The following RIMS2 variants were observed in gnomAD, a reference collection of about 807,000 sequenced individuals.
The protein encoded by RIMS2 is regulating synaptic membrane exocytosis 2, also known as regulating synaptic membrane exocytosis protein 2.
Under a neutral mutation model 174.4 loss-of-function variants are expected in RIMS2, and 59 were observed. That is an observed-to-expected ratio of 0.34 (90% CI 0.27 to 0.42). RIMS2 has a LOEUF of 0.42. Among genes scored for constraint, RIMS2 ranks in the 10% least tolerant of loss-of-function variants. RIMS2 has a pLI of 1.00. For synonymous variants in RIMS2, 606 were observed against 572.5 expected, an observed-to-expected ratio of 1.06 and a Z score of -0.84; for missense variants, 1,620 against 1,666.3, an observed-to-expected ratio of 0.97 and a Z score of 0.48.
At chr8:103,974,408 G>A (rs72683108) in intron 15 of RIMS2, among the ~76,000 whole-genome samples, 19,336 of 152,178 alleles carry the variant, frequency 0.13, 1,699 homozygotes, top group Non-Finnish European at 0.19. Context: ...AATGGTGGTA[G>A]TGGTGATAAT....
intron 4 of RIMS2, among the ~76,000 whole-genome samples, chr8:103,903,254 G>T (rs866966287): frequency 2.0e-5 from 3 of 152,000 alleles, no homozygotes; most frequent in Non-Finnish European, 4.4e-5. Context: ...TTGATAAGGG[G>T]TGAAGTCAGT....
intron 1 of RIMS2, among the ~76,000 whole-genome samples, chr8:103,620,602 G>A (rs2095611987): frequency 6.6e-6 from 1 of 152,096 alleles, no homozygotes. Flanking sequence ...ATAGCTGAGT[G>A]CAAAGAGAAT....
At position 103,942,765 on chromosome 8, in the gene RIMS2, G is replaced by A. The variant is rs756396459; in HGVS notation, c.2548-8G>A. 2 of 1,603,968 alleles carry A rather than the reference G, an allele frequency of 1.2e-6. No homozygotes were observed. The highest frequency in any genetic ancestry group is 1.7e-6 in the Non-Finnish European group (2 of 1,172,066). ...ATTATAACCGTCCTTTGTCTCTTGG[G>A]TTTGTAGATTTTAATTGAATTAGAA... On this transcript the variant is annotated splice_region_variant and splice_polypyrimidine_tract_variant and intron_variant, in intron 13 of 23. Transcript: ENST00000504942.
intron 1 of RIMS2, among the ~76,000 whole-genome samples, chr8:103,511,777 A>G (rs1220821370): frequency 6.6e-6 from 1 of 152,242 alleles, no homozygotes; most frequent in Non-Finnish European, 1.5e-5. Flanking sequence ...CTATAATAGT[A>G]ATTTGAACAG....
chr8:104,185,614 G>A (rs1467602761), intron 19 of RIMS2, among the ~76,000 whole-genome samples: 1 of 151,566 alleles, frequency 6.6e-6, no homozygotes, highest in Non-Finnish European at 1.5e-5. Flanking sequence ...CATACAAATG[G>A]CTAACAGATA....
At chr8:103,872,570 A>G (rs1389413016) in intron 3 of RIMS2, among the ~76,000 whole-genome samples, 1 of 152,218 alleles carries the variant, frequency 6.6e-6, no homozygotes, top group Non-Finnish European at 1.5e-5. Context: ...CAAGGAAGTT[A>G]ACAGAGACCT....
chr8:104,016,003 A>G (rs956541001), intron 19 of RIMS2, among the ~76,000 whole-genome samples: 1 of 152,090 alleles, frequency 6.6e-6, no homozygotes, highest in Admixed American at 6.5e-5. Context: ...AATATGATAT[A>G]GTTTTATTAT....
downstream of RIMS2, chr8:104,252,539 AAAG>A (rs1294038469): frequency 1.3e-5 from 2 of 152,240 alleles, no homozygotes; most frequent in East Asian, 1.9e-4. Context: ...AAAAAAAAAA[AAAG>A]AATAAAAATC....
At chr8:103,990,440 A>G (rs1395162215) in intron 17 of RIMS2, among the ~76,000 whole-genome samples, 2 of 152,104 alleles carry the variant, frequency 1.3e-5, no homozygotes, top group Non-Finnish European at 2.9e-5. Context: ...TTAAATTAAT[A>G]CTGCTTTTAG....
At chr8:103,861,296 C>G (rs1351646006) in intron 3 of RIMS2, among the ~76,000 whole-genome samples, 5 of 152,124 alleles carry the variant, frequency 3.3e-5, no homozygotes, top group African/African-American at 1.2e-4. Context: ...CATGCTGTTG[C>G]AAAGGACATG....
intron 19 of RIMS2, among the ~76,000 whole-genome samples, chr8:104,125,953 A>T (rs980150234): frequency 3.3e-5 from 5 of 152,152 alleles, no homozygotes; most frequent in African/African-American, 4.8e-5. Context: ...GTGAAGTTGT[A>T]ATAAGAGGCT....
At chr8:103,797,473 C>T (rs949286256) in intron 3 of RIMS2, among the ~76,000 whole-genome samples, 2 of 152,102 alleles carry the variant, frequency 1.3e-5, no homozygotes, top group African/African-American at 4.8e-5. Context: ...AGTAGCTACC[C>T]ATTATCTTCT....
chr8:104,073,541 A>T (rs1199644762), intron 19 of RIMS2, among the ~76,000 whole-genome samples: 1 of 152,194 alleles, frequency 6.6e-6, no homozygotes, highest in Non-Finnish European at 1.5e-5. Flanking sequence ...TATAGCAGTT[A>T]TATCATAATT....
intron 14 of RIMS2, 49 bp from the exon 17 acceptor site, chr8:103,961,016 T>C: frequency 2.1e-6 from 2 of 959,134 alleles, no homozygotes; most frequent in Non-Finnish European, 3.4e-6. Context: ...AGGAATTTTC[T>C]TCCTTAGAGA....
chr8:103,807,679 G>A (rs1433715978), intron 3 of RIMS2, among the ~76,000 whole-genome samples: 4 of 152,064 alleles, frequency 2.6e-5, no homozygotes, highest in Non-Finnish European at 5.9e-5. Context: ...TTCTAAAATA[G>A]ACTAAAGAGT....
intron 3 of RIMS2, among the ~76,000 whole-genome samples, chr8:103,784,890 C>A (rs1433075243): frequency 7.5e-6 from 1 of 133,048 alleles, no homozygotes; most frequent in Non-Finnish European, 1.6e-5. Flanking sequence ...ATTGATTCTT[C>A]CTACCCATGA....
intron 2 of RIMS2, among the ~76,000 whole-genome samples, chr8:103,724,058 C>T (rs560336574): frequency 3.3e-5 from 5 of 150,400 alleles, no homozygotes; most frequent in Admixed American, 6.6e-5. Context: ...TTCCCCGCCC[C>T]GCCCCCCCAC....
chr8:103,559,523 T>C (rs2091237889), intron 1 of RIMS2: 1 of 207,130 alleles, frequency 4.8e-6, no homozygotes, highest in African/African-American at 2.4e-5. Context: ...CTGAGAACAA[T>C]GCAGAGATGG....
intron 1 of RIMS2, among the ~76,000 whole-genome samples, chr8:103,685,119 A>AT (rs2096926205): frequency 7.5e-6 from 1 of 133,746 alleles, no homozygotes; most frequent in Non-Finnish European, 1.6e-5. Context: ...TTTTTTTTGG[A>AT]TTTTCAATTA....
Sources: allele counts gnomAD v4.1 joint callset (sites outside exome capture counted in the v4.1 genomes callset), GRCh38; gene constraint gnomAD v4.1.1; transcripts MANE v1.5; gene names NCBI Gene and HGNC (gene_info 2026-07-23, HGNC 2026-07-21).